USP49: variants seen among roughly 807,000 people sequenced by gnomAD.
USP49 encodes the protein ubiquitin carboxyl-terminal hydrolase 49.
A neutral mutation model predicts 58.6 loss-of-function variants in USP49; 24 were observed. The ratio of observed to expected loss-of-function variants is 0.41; its 90% CI spans 0.30 to 0.58. The LOEUF (loss-of-function observed/expected upper bound fraction) is 0.58, where lower values mean the gene tolerates loss of function less well. Among genes scored for constraint, USP49 ranks in the 20% least tolerant of loss-of-function variants. USP49 has a pLI of 0.30. For missense variants in USP49, 703 were observed against 866.1 expected (o/e 0.81, Z 2.36); for synonymous variants, 408 against 365.1 (o/e 1.12, Z -1.34).
rs1174394295 is a variant in USP49, at chr6:41,817,165, TTTG to T, written c.-28-10157_-28-10155del. ...CCCACGCATGCTTTTTTTTTTTTTT[TTTG>T]AGACAGAGTCTTGCTCTGTCGCCAG... On this transcript the variant is annotated intron_variant, in intron 3 of 7. Coordinates refer to ENST00000682992, the MANE Select transcript of USP49 (RefSeq NM_001286554.2). Among the ~76,000 whole-genome samples the T allele has an allele frequency of 4.0e-4, 57 of 143,812 alleles. 4 individuals carry two copies. Among genetic ancestry groups the T allele is most frequent in the African/African-American group, 1.4e-3 (53 of 36,646 alleles). 94.3% of individuals were successfully genotyped at this position (143,812 alleles called of 152,430 possible). A position where few individuals can be genotyped will look rare whatever the true frequency, so the allele number is the denominator to read the frequency against.
chr6:41,833,218 G>A (rs896519094), intron 3 of USP49, among the ~76,000 whole-genome samples: 5 of 150,992 alleles, frequency 3.3e-5, no homozygotes, highest in African/African-American at 4.9e-5. Context: ...GGGTTTCACC[G>A]TGTTAGCCAG....
chr6:41,822,716 G>A (rs913585213), intron 3 of USP49, among the ~76,000 whole-genome samples: 4 of 152,048 alleles, frequency 2.6e-5, no homozygotes, highest in South Asian at 4.2e-4. Flanking sequence ...GTAGTGGCGC[G>A]CGCCTGTCGT....
At chr6:41,797,516 C>T (rs1007386013) in intron 7 of USP49, 1 of 544,570 alleles carries the variant, frequency 1.8e-6, no homozygotes, top group Admixed American at 6.4e-5. Context: ...CATCTGCAGC[C>T]CATCAGTCAG....
At chr6:41,885,017 G>A (rs1536703) in intron 2 of USP49, among the ~76,000 whole-genome samples, 91,542 of 152,068 alleles carry the variant, frequency 0.6, 28,246 homozygotes, top group African/African-American at 0.76. Context: ...AAAACGTCTT[G>A]AAGTCTCATG....
At chr6:41,892,929 A>G (rs1230026219) in intron 1 of USP49, among the ~76,000 whole-genome samples, 2 of 152,230 alleles carry the variant, frequency 1.3e-5, no homozygotes, top group African/African-American at 2.4e-5. Flanking sequence ...TCTGAAAAAA[A>G]TCATTAAAAC....
At position 41,814,727 on chromosome 6, in the gene USP49, T is replaced by C. The variant is rs141934493; in HGVS notation, c.-28-7716A>G. 2.5e-3 allele frequency among the ~76,000 whole-genome samples: 377 copies of C among 152,324 alleles called. 5 individuals carry two copies. The highest frequency in any genetic ancestry group is 0.01 in the Middle Eastern group (3 of 294). On this transcript the variant is annotated intron_variant, in intron 3 of 7. Coordinates refer to ENST00000682992, the MANE Select transcript of USP49 (RefSeq NM_001286554.2). ...TATTGATTTCTCCTCAGTTGTTAAC[T>C]AAGGACCGTAGAATAATCCTGCTTG...
Position 41,806,055 on chromosome 6 carries a change from C to T in USP49, c.929G>A (p.Ser310Asn), listed in dbSNP as rs1463357126. The change falls in exon 4 of 8, where the codon AGC becomes AAC. Residue 310 changes from serine (S) to asparagine (N), a missense_variant. Physicochemically the swap from Ser to Asn is conservative, Grantham distance 46. Around this residue, in one of 6 missense-constraint regions of USP49, gnomAD observed 97 missense variants for 88.0 expected, o/e 1.10. Transcript: ENST00000682992. This position sits in a 1 kb window ranked among gnomAD's most constrained non-coding sequence, Gnocchi z 5.9. ...KTQLSGKPTN[S>N]SATELSLRND... is the part of the protein sequence containing the mutation. ...TCTCAAGGACAGCTCCGTGGCCGAG[C>T]TGTTGGTTGGCTTGCCAGAAAGCTG... 3.1e-6 allele frequency: 5 copies of T among 1,613,954 alleles called. No homozygotes were observed. Among genetic ancestry groups the T allele is most frequent in the East Asian group, 4.5e-5 (2 of 44,894 alleles).
intron 2 of USP49, among the ~76,000 whole-genome samples, chr6:41,885,497 AT>A (rs1485825088): frequency 6.6e-6 from 1 of 152,136 alleles, no homozygotes; most frequent in African/African-American, 2.4e-5. Flanking sequence ...TCAGATTTAG[AT>A]TACTGAGTGT....
In USP49 at chr6:41,791,119, A is replaced by C. The variant is rs1772790876; in HGVS notation, c.*5414T>G. 6.6e-6 allele frequency: 1 copy of C among 152,228 alleles called. No homozygotes were observed. The highest frequency in any genetic ancestry group is 1.5e-5 in the Non-Finnish European group (1 of 68,040). The allele number at this position is 152,228 out of a possible 1,614,324, so 9.4% of individuals were successfully genotyped here. Reference sequence around the variant, plus strand: ...TTTGATAAAAACTTCCAAAATTGAAAATCAAAATCCAGCAAGAATTAAGAC... The same window carrying C: ...TTTGATAAAAACTTCCAAAATTGAACATCAAAATCCAGCAAGAATTAAGAC... On this transcript the variant is annotated 3_prime_UTR_variant, in exon 8 of 8. Transcript: ENST00000682992.
At chr6:41,857,578 G>A (rs189641215) in intron 3 of USP49, among the ~76,000 whole-genome samples, 6 of 152,276 alleles carry the variant, frequency 3.9e-5, no homozygotes, top group East Asian at 3.9e-4. Context: ...CCTGGGTGGC[G>A]GAGGTTGCAG....
intron 2 of USP49, among the ~76,000 whole-genome samples, chr6:41,883,197 C>CA (rs996850256): frequency 6.6e-6 from 1 of 151,020 alleles, no homozygotes; most frequent in Admixed American, 6.6e-5. Flanking sequence ...ACTAAAAATA[C>CA]AAAAAAATTA....
chr6:41,862,139 T>A (rs1436278307), intron 3 of USP49, among the ~76,000 whole-genome samples: 4 of 152,198 alleles, frequency 2.6e-5, no homozygotes, highest in African/African-American at 2.4e-5. Flanking sequence ...TATGGTTGGG[T>A]ATCTATCATG....
chr6:41,844,474 C>T (rs1392098638), intron 3 of USP49, among the ~76,000 whole-genome samples: 2 of 151,950 alleles, frequency 1.3e-5, no homozygotes, highest in Non-Finnish European at 2.9e-5. Context: ...CCACCATGCT[C>T]GGCTAGTTTT....
At chr6:41,835,479 C>T (rs779473052) in intron 3 of USP49, among the ~76,000 whole-genome samples, 7 of 151,884 alleles carry the variant, frequency 4.6e-5, no homozygotes, top group Non-Finnish European at 8.8e-5. Context: ...TTTGGGAGGC[C>T]GAGGTGGGTG....
chr6:41,797,555 G>T, intron 7 of USP49: 2 of 903,928 alleles, frequency 2.2e-6, no homozygotes, highest in Non-Finnish European at 2.6e-6. Flanking sequence ...CCACTCTGGA[G>T]GATGAGGACC....
intron 2 of USP49, among the ~76,000 whole-genome samples, chr6:41,887,056 T>A (rs542575400): frequency 6.6e-6 from 1 of 152,212 alleles, no homozygotes; most frequent in South Asian, 2.1e-4. Flanking sequence ...AGTGAGCATA[T>A]GACATATCCT....
intron 1 of USP49, among the ~76,000 whole-genome samples, chr6:41,892,970 C>T (rs1774834626): frequency 6.6e-6 from 1 of 152,112 alleles, no homozygotes; most frequent in African/African-American, 2.4e-5. Flanking sequence ...CCAAATTTTG[C>T]CCCAAATTTC....
intron 2 of USP49, among the ~76,000 whole-genome samples, chr6:41,880,918 A>G (rs564815020): frequency 6.6e-6 from 1 of 151,972 alleles, no homozygotes; most frequent in South Asian, 2.1e-4. Flanking sequence ...ACAGATTTTT[A>G]TTTATTTTAT....
At position 41,795,428 on chromosome 6, in the gene USP49, A is replaced by G; in HGVS notation, c.*1105T>C. The G allele has an allele frequency of 6.6e-6, 1 of 152,200 alleles. No individual in the cohort carries two copies. Among genetic ancestry groups the G allele is most frequent in the Non-Finnish European group, 1.5e-5 (1 of 68,056 alleles). The allele number at this position is 152,200 out of a possible 1,614,324, so 9.4% of individuals were successfully genotyped here. ...GTAAAGCAACAGTAGGGATTATCAG[A>G]TTTGGGAGGAAACAGGTCAAGGCCA... is the stretch of plus-strand genomic sequence containing the variant. On this transcript the variant is annotated 3_prime_UTR_variant, in exon 8 of 8. Coordinates refer to ENST00000682992, the MANE Select transcript of USP49 (RefSeq NM_001286554.2).
Sources: gnomAD v4.1 joint callset for allele counts (sites outside exome capture counted in the v4.1 genomes callset) on GRCh38, gnomAD v4.1.1 for gene constraint, gnomAD v4.1.1 regional missense constraint, Gnocchi (gnomAD v3.1) non-coding constraint, MANE v1.5 for transcripts, NCBI Gene and HGNC (gene_info 2026-07-23, HGNC 2026-07-21) for gene names.